Variants in RTL4 observed in about 807,000 individuals in gnomAD.
RTL4 encodes retrotransposon Gag-like protein 4.
RTL4 carries 4 observed loss-of-function variants against 5.3 expected under a neutral mutation model. The ratio of observed to expected loss-of-function variants is 0.75; its 90% CI spans 0.37 to 1.72. The LOEUF is 1.72. RTL4 is among the 40% of genes most tolerant of loss of function. RTL4 has a pLI of 0.04. For missense variants in RTL4, 260 were observed against 227.1 expected (o/e 1.14, Z -0.93); for synonymous variants, 98 against 87.3 (o/e 1.12, Z -0.68).
the RTL4 span, among the ~76,000 whole-genome samples, chrX:112,404,704 G>T: frequency 8.9e-6 from 1 of 112,890 alleles, no homozygotes; most frequent in African/African-American, 3.2e-5. Flanking sequence ...TTGCTGCAAA[G>T]GCAGAAAAAG....
the RTL4 span, among the ~76,000 whole-genome samples, chrX:112,084,272 A>C: frequency 1.4e-4 from 15 of 110,440 alleles, no homozygotes; most frequent in African/African-American, 4.6e-4. Context: ...AGCAAGACAA[A>C]TTTTCCCCTT....
chrX:112,107,615 A>T, the RTL4 span, among the ~76,000 whole-genome samples: 1 of 111,934 alleles, frequency 8.9e-6, no homozygotes, highest in Admixed American at 9.5e-5. Flanking sequence ...TTCTTTCAGC[A>T]CTTTGAATAT....
chrX:112,344,755 G>A, the RTL4 span, among the ~76,000 whole-genome samples: 118 of 111,587 alleles, frequency 1.1e-3, no homozygotes, highest in South Asian at 0.028. Flanking sequence ...AAAACTTACC[G>A]GGTGTATTAG....
the RTL4 span, among the ~76,000 whole-genome samples, chrX:112,290,148 C>T: frequency 4.7e-3 from 526 of 111,364 alleles, 4 homozygotes; most frequent in African/African-American, 0.016. Flanking sequence ...AATAGATAAA[C>T]GGTGATTATT....
chrX:112,129,056 T>C, the RTL4 span, among the ~76,000 whole-genome samples: 2 of 111,410 alleles, frequency 1.8e-5, no homozygotes, highest in Admixed American at 9.6e-5. Flanking sequence ...CCAAAGAAGA[T>C]GTAAAAAGGG....
the RTL4 span, among the ~76,000 whole-genome samples, chrX:112,154,684 A>C: frequency 1.8e-5 from 2 of 111,882 alleles, no homozygotes; most frequent in African/African-American, 3.2e-5. Context: ...GGCTTTGTAA[A>C]ATCGTTGGGA....
chrX:112,281,680 A>G, the RTL4 span, among the ~76,000 whole-genome samples: 1 of 111,282 alleles, frequency 9.0e-6, no homozygotes, highest in Non-Finnish European at 1.9e-5. Flanking sequence ...TACAGGAGCC[A>G]TTCTAACAGG....
chrX:112,160,141 A>G, the RTL4 span, among the ~76,000 whole-genome samples: 1 of 112,417 alleles, frequency 8.9e-6, no homozygotes, highest in East Asian at 2.8e-4. Flanking sequence ...GCAGAATCTG[A>G]ATACATCTTG....
At chrX:112,198,797 G>A in the RTL4 span, among the ~76,000 whole-genome samples, 8 of 110,905 alleles carry the variant, frequency 7.2e-5, no homozygotes, top group African/African-American at 2.6e-4. Context: ...TAGAGCATGT[G>A]ATGAAAATTG....
chrX:112,128,659 C>CAAAAAAAAAAAAAAAAA, the RTL4 span, among the ~76,000 whole-genome samples: 2 of 41,121 alleles, frequency 4.9e-5, no homozygotes, highest in African/African-American at 6.1e-5. Context: ...CTCTGTCTCA[C>CAAAAAAAAAAAAAAAAA]AAAAAAAAAA....
At chrX:112,133,994 C>G in the RTL4 span, among the ~76,000 whole-genome samples, 1 of 112,255 alleles carries the variant, frequency 8.9e-6, no homozygotes, top group Non-Finnish European at 1.9e-5. Flanking sequence ...CCCAATCTCT[C>G]TAATATTTTA....
the RTL4 span, among the ~76,000 whole-genome samples, chrX:112,386,308 A>G: frequency 3.6e-5 from 4 of 111,933 alleles, no homozygotes; most frequent in Middle Eastern, 4.2e-3. Flanking sequence ...TTTGGACCAA[A>G]GTCACCCTTT....
the RTL4 span, among the ~76,000 whole-genome samples, chrX:112,169,288 A>T: frequency 2.8e-5 from 3 of 107,502 alleles, no homozygotes; most frequent in African/African-American, 1.0e-4. Flanking sequence ...CTAATTTTTT[A>T]TTTTTAGTAG....
At chrX:112,106,109 C>T in the RTL4 span, among the ~76,000 whole-genome samples, 2 of 112,048 alleles carry the variant, frequency 1.8e-5, no homozygotes, top group South Asian at 7.3e-4. Flanking sequence ...TTGCCAAATG[C>T]TTTTTGTGTA....
chrX:112,144,310 C>T, the RTL4 span, among the ~76,000 whole-genome samples: 1 of 111,504 alleles, frequency 9.0e-6, no homozygotes, highest in African/African-American at 3.3e-5. Context: ...TAATCTGTTA[C>T]TGCTGGTTAA....
the RTL4 span, among the ~76,000 whole-genome samples, chrX:112,259,215 A>T: frequency 3.5e-3 from 391 of 111,721 alleles, 6 homozygotes; most frequent in African/African-American, 0.012. Flanking sequence ...GTGAATTGAC[A>T]TCTTAAAATA....
chrX:112,289,493 C>A, the RTL4 span, among the ~76,000 whole-genome samples: 1 of 112,114 alleles, frequency 8.9e-6, no homozygotes, highest in African/African-American at 3.2e-5. Flanking sequence ...TGACTTGGAA[C>A]CAGATCAATC....
chrX:112,308,370 A>T, the RTL4 span, among the ~76,000 whole-genome samples: 2 of 111,747 alleles, frequency 1.8e-5, no homozygotes, highest in African/African-American at 3.3e-5. Flanking sequence ...ATGAATAAGG[A>T]TATCAAAGGA....
the RTL4 span, among the ~76,000 whole-genome samples, chrX:112,314,645 C>T: frequency 9.2e-6 from 1 of 109,067 alleles, no homozygotes; most frequent in Non-Finnish European, 1.9e-5. Flanking sequence ...AATTAGCTTG[C>T]AATTTAACAT....
Sources: gnomAD v4.1 joint callset for allele counts (sites outside exome capture counted in the v4.1 genomes callset) on GRCh38, gnomAD v4.1.1 for gene constraint, MANE v1.5 for transcripts, NCBI Gene and HGNC (gene_info 2026-07-23, HGNC 2026-07-21) for gene names.